Variants in ADORA2B observed in about 807,000 individuals in gnomAD.
ADORA2B encodes adenosine receptor A2b.
In ADORA2B, 18 loss-of-function variants were observed where a neutral mutation model predicts 20.8. That is an observed-to-expected ratio of 0.87 (90% confidence interval 0.60 to 1.29). ADORA2B has a LOEUF of 1.29. ADORA2B is among the 50% of genes most tolerant of loss of function. The pLI, the probability that ADORA2B is intolerant of heterozygous loss-of-function variation, is 0.00. For missense variants in ADORA2B, 441 were observed against 422.7 expected, an observed-to-expected ratio of 1.04 and a Z score of -0.38; for synonymous variants, 179 against 178.3, an observed-to-expected ratio of 1.00 and a Z score of -0.03.
the ADORA2B span, among the ~76,000 whole-genome samples, chr17:15,874,103 C>G: frequency 2.9e-5 from 4 of 137,684 alleles, no homozygotes; most frequent in Admixed American, 1.4e-4. Context: ...TATACACACA[C>G]ACACATATAT....
the ADORA2B span, among the ~76,000 whole-genome samples, chr17:15,902,233 G>C: frequency 6.8e-6 from 1 of 147,790 alleles, no homozygotes; most frequent in Admixed American, 6.8e-5. Flanking sequence ...TTTTTTTTGA[G>C]ACAGTCTCGC....
the ADORA2B span, among the ~76,000 whole-genome samples, chr17:15,916,374 TAAAG>T: frequency 6.6e-6 from 1 of 152,148 alleles, no homozygotes; most frequent in Non-Finnish European, 1.5e-5. Flanking sequence ...GACACCGAGT[TAAAG>T]AAGGAAGGGC....
At chr17:15,880,511 G>A in the ADORA2B span, among the ~76,000 whole-genome samples, 1 of 142,992 alleles carries the variant, frequency 7.0e-6, no homozygotes, top group Non-Finnish European at 1.5e-5. Flanking sequence ...GGCCACTGTC[G>A]CCAGGGGAGC....
Position 15,945,317 on chromosome 17 carries a change from G to A in ADORA2B, c.69G>A (p.Ala23=), listed in dbSNP as rs771508029. The change falls in exon 1 of 2, where the codon GCG becomes GCA. Residue 23 remains alanine (A), a synonymous_variant. Transcript: ENST00000304222. ...LELVIAALSV[A]GNVLVCAAVG... is the part of the protein sequence containing the mutation. ...TGGTCATCGCCGCGCTTTCGGTGGC[G>A]GGCAACGTGCTGGTGTGCGCCGCGG... 33 of 1,585,210 alleles carry A rather than the reference G, an allele frequency of 2.1e-5. No individual in the cohort carries two copies. The highest frequency in any genetic ancestry group is 2.6e-5 in the Non-Finnish European group (30 of 1,169,294).
the ADORA2B span, among the ~76,000 whole-genome samples, chr17:15,926,314 C>T: frequency 5.3e-5 from 8 of 151,824 alleles, no homozygotes; most frequent in Non-Finnish European, 1.2e-4. Context: ...GCCCAATACA[C>T]AAGATGACAG....
the ADORA2B span, among the ~76,000 whole-genome samples, chr17:15,921,715 A>G: frequency 1.3e-5 from 2 of 152,164 alleles, no homozygotes; most frequent in South Asian, 2.1e-4. Context: ...CTTCTCATTA[A>G]AAAAAGAAGT....
At chr17:15,946,050 G>T (rs989083784) in intron 1 of ADORA2B, among the ~76,000 whole-genome samples, 1 of 152,164 alleles carries the variant, frequency 6.6e-6, no homozygotes, top group East Asian at 1.9e-4. Flanking sequence ...GGCCCGGGAG[G>T]TTCCCACTAA....
chr17:15,864,243 G>A, the ADORA2B span: 1 of 152,062 alleles, frequency 6.6e-6, no homozygotes, highest in Non-Finnish European at 1.5e-5. Flanking sequence ...CCTGTGCTTG[G>A]TGGACCAATA....
At chr17:15,858,590 T>G in the ADORA2B span, 1 of 152,226 alleles carries the variant, frequency 6.6e-6, no homozygotes, top group Non-Finnish European at 1.5e-5. Context: ...TTTGAATAAA[T>G]GAGTTAATTA....
chr17:15,965,775 TG>T (rs1472723521), intron 1 of ADORA2B, among the ~76,000 whole-genome samples: 5 of 152,272 alleles, frequency 3.3e-5, no homozygotes, highest in Non-Finnish European at 1.5e-5. Context: ...CCTAGCCTGC[TG>T]GGGTCTTGGC....
At chr17:15,855,838 GC>G in the ADORA2B span, among the ~76,000 whole-genome samples, 1 of 151,838 alleles carries the variant, frequency 6.6e-6, no homozygotes, top group African/African-American at 2.4e-5. Flanking sequence ...TTCAACCTTT[GC>G]CCCCCTCCCC....
chr17:15,908,230 GGT>G, the ADORA2B span, among the ~76,000 whole-genome samples: 1 of 152,140 alleles, frequency 6.6e-6, no homozygotes, highest in African/African-American at 2.4e-5. Context: ...TGGAACTACA[GGT>G]GTGTGCCACC....
the ADORA2B span, among the ~76,000 whole-genome samples, chr17:15,865,511 C>A: frequency 6.6e-6 from 1 of 151,898 alleles, no homozygotes; most frequent in African/African-American, 2.4e-5. Context: ...ATCCACCTAC[C>A]TCAGCCTCCC....
intron 1 of ADORA2B, among the ~76,000 whole-genome samples, chr17:15,952,560 C>A (rs1008992888): frequency 2.0e-5 from 3 of 152,162 alleles, no homozygotes; most frequent in Non-Finnish European, 4.4e-5. Flanking sequence ...CCCAAACACC[C>A]CCTTGATGAG....
chr17:15,950,489 T>G (rs912719876), intron 1 of ADORA2B, among the ~76,000 whole-genome samples: 4 of 152,184 alleles, frequency 2.6e-5, no homozygotes, highest in African/African-American at 9.7e-5. Flanking sequence ...GTTACCAGGA[T>G]GCCACTGAAT....
At chr17:15,878,030 C>T in the ADORA2B span, among the ~76,000 whole-genome samples, 36 of 152,032 alleles carry the variant, frequency 2.4e-4, no homozygotes, top group Admixed American at 4.6e-4. Context: ...TCTGTGGTTT[C>T]GTGGGGCTTC....
intron 1 of ADORA2B, among the ~76,000 whole-genome samples, chr17:15,959,144 A>G (rs1970005791): frequency 6.6e-6 from 1 of 152,226 alleles, no homozygotes; most frequent in Non-Finnish European, 1.5e-5. Flanking sequence ...CACTAAAACC[A>G]GCAGGGAGAC....
the ADORA2B span, among the ~76,000 whole-genome samples, chr17:15,899,526 G>A: frequency 1.3e-5 from 2 of 152,082 alleles, no homozygotes; most frequent in Non-Finnish European, 2.9e-5. Flanking sequence ...TGAGGTTTGG[G>A]GTATGATTGA....
At chr17:15,881,539 A>G in the ADORA2B span, among the ~76,000 whole-genome samples, 1 of 152,252 alleles carries the variant, frequency 6.6e-6, no homozygotes. Flanking sequence ...AAATGTTTTC[A>G]TCATCCCAAA....
Sources: allele counts gnomAD v4.1 joint callset (sites outside exome capture counted in the v4.1 genomes callset), GRCh38; gene constraint gnomAD v4.1.1; transcripts MANE v1.5; gene names NCBI Gene and HGNC (gene_info 2026-07-23, HGNC 2026-07-21).